ORAI3: variants seen among roughly 807,000 people sequenced by gnomAD.
The protein encoded by ORAI3 is protein orai-3.
In ORAI3, 15 loss-of-function variants were observed where a neutral mutation model predicts 17.2. That is an observed-to-expected ratio of 0.87 (90% CI 0.58 to 1.34). The LOEUF (loss-of-function observed/expected upper bound fraction) is 1.34. Among genes scored for constraint, ORAI3 ranks in the 40% most tolerant of loss-of-function variants. The pLI is 0.00. For synonymous variants in ORAI3, 178 were observed against 172.4 expected (o/e 1.03, Z -0.25); for missense variants, 405 against 396.7 (o/e 1.02, Z -0.18).
chr16:30,953,936 C>T lies in ORAI3; in HGVS notation c.*92C>T, dbSNP rs2055938733. ...GCCTACAGACCTCATCCCCCCATCC[C>T]CTGGCTGGAGCCACTTCCAGTGGCC... On this transcript the variant is annotated 3_prime_UTR_variant, in exon 2 of 2. Transcript: ENST00000318663. The T allele has an allele frequency of 2.1e-6, 3 of 1,398,806 alleles. No homozygotes were observed. The highest frequency in any genetic ancestry group is 1.4e-5 in the African/African-American group (1 of 70,452). The allele number at this position is 1,398,806 out of a possible 1,614,324, so 86.6% of individuals were successfully genotyped here. A position where few individuals can be genotyped will look rare whatever the true frequency, so the allele number is the denominator to read the frequency against.
chr16:30,953,307 G>A lies in ORAI3; in HGVS notation c.351G>A (p.Thr117=), dbSNP rs747037008. 36 of 1,613,988 alleles carry A rather than the reference G, an allele frequency of 2.2e-5. No individual in the cohort carries two copies. The Admixed American group carries it at 4.3e-4, about 19-fold the overall frequency. The part of the protein sequence containing the change: ...AVHLFALMVS[T]CLLPHIEAVS... ...ACCTCTTTGCACTCATGGTCTCCAC[G>A]TGTCTGCTGCCCCACATTGAAGCTG... The change falls in exon 2 of 2, where the codon ACG becomes ACA. Residue 117 remains threonine, a synonymous_variant. Coordinates refer to ENST00000318663, the MANE Select transcript of ORAI3 (RefSeq NM_152288.3).
At chr16:30,953,118 A>G in intron 1 of ORAI3, 67 bp from the exon 2 acceptor site, 1 of 1,468,454 alleles carries the variant, frequency 6.8e-7, no homozygotes, top group Non-Finnish European at 9.2e-7. Context: ...ATGTATCCCG[A>G]TAGGCGGAAA....
chr16:30,949,820 C>A (rs935744304), intron 1 of ORAI3: 1 of 338,292 alleles, frequency 3.0e-6, no homozygotes, highest in East Asian at 7.3e-5. Flanking sequence ...CCAGATGGAG[C>A]CTGTACCTGG....
chr16:30,949,469 G>A lies in ORAI3; in HGVS notation c.180G>A (p.Lys60=), dbSNP rs2055911116. The change falls in exon 1 of 2, where the codon AAG becomes AAA. Residue 60 remains lysine (K), a synonymous_variant. Transcript: ENST00000318663. Reference sequence around the variant, plus strand: ...GCCGCCTCTACCTCAGCCGGGCCAAGCTCAAAGCTTCCAGCCGCACGTCTG... The same window carrying A: ...GCCGCCTCTACCTCAGCCGGGCCAAACTCAAAGCTTCCAGCCGCACGTCTG... ...SWRRLYLSRA[K]LKASSRTSAL... 2 of 1,607,722 alleles carry A rather than the reference G, an allele frequency of 1.2e-6. No homozygotes were observed. Among genetic ancestry groups the A allele is most frequent in the African/African-American group, 1.3e-5 (1 of 74,704 alleles).
Position 30,949,561 on chromosome 16 carries a change from G to C in ORAI3, c.228+44G>C, listed in dbSNP as rs768725593. 12 of 914,330 alleles carry C rather than the reference G, an allele frequency of 1.3e-5. No individual in the cohort carries two copies. In the Admixed American group the frequency reaches 2.3e-4, roughly 18 times the overall value. The allele number at this position is 914,330 out of a possible 1,614,324, so 56.6% of individuals were successfully genotyped here. On this transcript the variant is annotated intron_variant, in intron 1 of 1. Transcript: ENST00000318663. ...TCACACCCGGTGGGGCAGAGCAAGT[G>C]GGGGGCACAGGTCGGGGGGGGGGCG...
intron 1 of ORAI3, among the ~76,000 whole-genome samples, chr16:30,950,564 A>AGGCGGTTGGGGTGGGGACCAT (rs2055919972): frequency 6.6e-6 from 1 of 152,124 alleles, no homozygotes; most frequent in Admixed American, 6.5e-5. Context: ...TGGATATCAG[A>AGGCGGTTGGGGTGGGGACCAT]GGCGGTTGGG....
In ORAI3 at chr16:30,949,228, G is replaced by C. The variant is rs956152086; in HGVS notation, c.-62G>C. ...GCCGCCCCCGGGCTTGGGCCGGCCCGGCTGGGGCCCCCGAGGCGCTTCCGC... is the reference window on the plus strand; with the variant it reads ...GCCGCCCCCGGGCTTGGGCCGGCCCCGCTGGGGCCCCCGAGGCGCTTCCGC... On this transcript the variant is annotated 5_prime_UTR_variant, in exon 1 of 2. Transcript: ENST00000318663. 1 of 1,242,150 alleles carries C rather than the reference G, an allele frequency of 8.1e-7. No individual in the cohort carries two copies. The highest frequency in any genetic ancestry group is 1.0e-6 in the Non-Finnish European group (1 of 957,066). The allele number at this position is 1,242,150 out of a possible 1,614,324, so 76.9% of individuals were successfully genotyped here. A position where few individuals can be genotyped will look rare whatever the true frequency, so the allele number is the denominator to read the frequency against.
chr16:30,953,033 C>A, intron 1 of ORAI3, 152 bp from the exon 2 acceptor site: 1 of 687,102 alleles, frequency 1.5e-6, no homozygotes. Context: ...GCTGTCCATT[C>A]GTTTACTCAA....
At position 30,954,173 on chromosome 16, in the gene ORAI3, C is replaced by T. The variant is rs1357603534; in HGVS notation, c.*329C>T. On this transcript the variant is annotated 3_prime_UTR_variant, in exon 2 of 2. Coordinates refer to ENST00000318663, the MANE Select transcript of ORAI3 (RefSeq NM_152288.3). The stretch of plus-strand genomic sequence containing the variant: ...GACCTTCAGTGCTGACTTTAGCCAC[C>T]ATTTCCATTCCTATACAGGATGTGA... 2.8e-6 allele frequency: 2 copies of T among 702,090 alleles called. No homozygotes were observed. The highest frequency in any genetic ancestry group is 5.4e-5 in the East Asian group (2 of 37,286). 43.5% of individuals were successfully genotyped at this position (702,090 alleles called of 1,614,324 possible).
chr16:30,949,253 C>T lies in ORAI3; in HGVS notation c.-37C>T. ...GGCTGGGGCCCCCGAGGCGCTTCCG[C>T]CCCGTAGTGACCGCCTGGTGCCGCC... On this transcript the variant is annotated 5_prime_UTR_variant, in exon 1 of 2. Coordinates refer to ENST00000318663, the MANE Select transcript of ORAI3 (RefSeq NM_152288.3). The T allele has an allele frequency of 1.5e-6, 2 of 1,360,668 alleles. No homozygotes were observed. Among genetic ancestry groups the T allele is most frequent in the Non-Finnish European group, 1.9e-6 (2 of 1,055,704 alleles). The allele number at this position is 1,360,668 out of a possible 1,614,324, so 84.3% of individuals were successfully genotyped here. A position where few individuals can be genotyped will look rare whatever the true frequency, so the allele number is the denominator to read the frequency against.
chr16:30,950,241 C>T (rs1052829214), intron 1 of ORAI3, among the ~76,000 whole-genome samples: 1 of 152,058 alleles, frequency 6.6e-6, no homozygotes, highest in African/African-American at 2.4e-5. Context: ...GCTGTGTGAC[C>T]CTGGACAGGC....
rs996089557 is a variant in ORAI3 at position 30,950,296 on chromosome 16, G to A, written c.228+779G>A. ...CAGTGGGAAACTGAGATCATGGAGG[G>A]TGCGCCCTCTGTAGCCAGCCAAGTA... On this transcript the variant is annotated intron_variant, in intron 1 of 1. Transcript: ENST00000318663. Among the ~76,000 whole-genome samples, 5 of 152,132 alleles carry A rather than the reference G, an allele frequency of 3.3e-5. No homozygotes were observed. In the South Asian group the frequency reaches 8.3e-4, roughly 25 times the overall value.
chr16:30,952,616 T>C (rs1159970453), intron 1 of ORAI3, among the ~76,000 whole-genome samples: 1 of 152,212 alleles, frequency 6.6e-6, no homozygotes, highest in Non-Finnish European at 1.5e-5. Flanking sequence ...GTTTGATCCC[T>C]ATGCAGTAAA....
At position 30,953,360 on chromosome 16, in the gene ORAI3, TC is replaced by T; in HGVS notation, c.406del (p.His136ThrfsTer147). 6.2e-7 allele frequency: 1 copy of T among 1,614,196 alleles called. No individual in the cohort carries two copies. The highest frequency in any genetic ancestry group is 8.5e-7 in the Non-Finnish European group (1 of 1,180,028). The part of the protein sequence containing the change: ...AVSNIHNLNS[V>X]HQSPHQRLHR... ...AGCAACATCCACAACCTCAACTCTGTCCACCAGTCGCCACACCAGAGACTGC... is the reference window on the plus strand; with the variant it reads ...AGCAACATCCACAACCTCAACTCTGTCACCAGTCGCCACACCAGAGACTGC... On this transcript the variant is annotated frameshift_variant, in exon 2 of 2. Transcript: ENST00000318663. LOFTEE classifies it high-confidence loss of function.
intron 1 of ORAI3, among the ~76,000 whole-genome samples, chr16:30,952,161 C>T (rs1321888266): frequency 1.4e-5 from 2 of 138,802 alleles, no homozygotes; most frequent in Admixed American, 1.6e-4. Flanking sequence ...GAGTCCCACA[C>T]TGTCACCCAG....
At position 30,953,346 on chromosome 16, in the gene ORAI3, C is replaced by T. The variant is rs769634900; in HGVS notation, c.390C>T (p.His130=). 2.5e-6 allele frequency: 4 copies of T among 1,614,086 alleles called. No individual in the cohort carries two copies. The highest frequency in any genetic ancestry group is 2.5e-6 in the Non-Finnish European group (3 of 1,180,022). ...LPHIEAVSNI[H]NLNSVHQSPH... ...ACATTGAAGCTGTGAGCAACATCCA[C>T]AACCTCAACTCTGTCCACCAGTCGC... The change falls in exon 2 of 2, where the codon CAC becomes CAT. Residue 130 remains histidine (H), a synonymous_variant. Coordinates refer to ENST00000318663, the MANE Select transcript of ORAI3 (RefSeq NM_152288.3).
In ORAI3 at chr16:30,949,443, C is replaced by T. The variant is rs771158590; in HGVS notation, c.154C>T (p.Arg52Cys). ...GCACTCGCTGCGGGCGCTCAGCTGG[C>T]GCCGCCTCTACCTCAGCCGGGCCAA... is the stretch of plus-strand genomic sequence containing the variant. ...SQHSLRALSW[R>C]RLYLSRAKLK... Residue 52 changes from arginine (R) to cysteine (C), a missense_variant, in exon 1 of 2, where the codon CGC (arginine) becomes TGC (cysteine). Arg to Cys is a radical substitution (Grantham distance 180). Coordinates refer to ENST00000318663, the MANE Select transcript of ORAI3 (RefSeq NM_152288.3). 1 of 1,606,796 alleles carries T rather than the reference C, an allele frequency of 6.2e-7. No individual in the cohort carries two copies. The highest frequency in any genetic ancestry group is 8.5e-7 in the Non-Finnish European group (1 of 1,178,126).
chr16:30,953,802 A>G lies in ORAI3; in HGVS notation c.846A>G (p.Leu282=), dbSNP rs567687298. 4 of 1,613,276 alleles carry G rather than the reference A, an allele frequency of 2.5e-6. No individual in the cohort carries two copies. Among genetic ancestry groups the G allele is most frequent in the African/African-American group, 2.7e-5 (2 of 75,058 alleles). Residue 282 remains leucine (L), a synonymous_variant, in exon 2 of 2, where the codon CTA becomes CTG. Coordinates refer to ENST00000318663, the MANE Select transcript of ORAI3 (RefSeq NM_152288.3). ...AGACAGACCGCTACAAGCAGGAACT[A>G]GAGGAACTGAATCGCCTGCAGGGGG... ...AHKTDRYKQE[L]EELNRLQGEL...
At position 30,949,519 on chromosome 16, in the gene ORAI3, T is replaced by TG; in HGVS notation, c.228+3dup. ...GCCTTGCTCTCGGGCTTCGCCATGG[T>TG]GAGGGGCCGGGAGGGGTCACACCCG... On this transcript the variant is annotated splice_region_variant and intron_variant, in intron 1 of 1. Transcript: ENST00000318663. 1 of 1,227,016 alleles carries TG rather than the reference T, an allele frequency of 8.1e-7. No homozygotes were observed. The highest frequency in any genetic ancestry group is 1.0e-6 in the Non-Finnish European group (1 of 969,194). 76.0% of individuals were successfully genotyped at this position (1,227,016 alleles called of 1,614,324 possible).
Sources: gnomAD v4.1 joint callset for allele counts (sites outside exome capture counted in the v4.1 genomes callset) on GRCh38, gnomAD v4.1.1 for gene constraint, MANE v1.5 for transcripts, NCBI Gene and HGNC (gene_info 2026-07-23, HGNC 2026-07-21) for gene names.